The following KCNIP4 variants were observed in gnomAD, a reference collection of about 807,000 sequenced individuals.
The protein encoded by KCNIP4 is Kv channel-interacting protein 4.
Under a neutral mutation model 34.0 loss-of-function variants are expected in KCNIP4, and 12 were observed. The ratio of observed to expected loss-of-function variants is 0.35; its 90% confidence interval spans 0.23 to 0.57. The LOEUF is 0.57. Among genes scored for constraint, KCNIP4 ranks in the 20% least tolerant of loss-of-function variants. The pLI is 0.83. For missense variants in KCNIP4, 238 were observed against 311.7 expected (o/e 0.76, Z 1.78); for synonymous variants, 124 against 102.2 (o/e 1.21, Z -1.29).
intron 1 of KCNIP4, among the ~76,000 whole-genome samples, chr4:20,943,085 C>A (rs188280060): frequency 3.2e-4 from 49 of 151,998 alleles, no homozygotes; most frequent in African/African-American, 1.1e-3. Flanking sequence ...TAAGGAAATC[C>A]CAGAGTACAG....
rs187929083 is a variant in KCNIP4, at chr4:21,827,352, C to T, written c.61+121219G>A. On this transcript the variant is annotated intron_variant, in intron 1 of 8. Transcript: ENST00000382152. Reference sequence around the variant, plus strand: ...AACTGCAACCTAGGAGACTTAACAACAGAGTAAAATCAATGGAGTAAAAAA... The same window carrying T: ...AACTGCAACCTAGGAGACTTAACAATAGAGTAAAATCAATGGAGTAAAAAA... Among the ~76,000 whole-genome samples, 4 of 152,062 alleles carry T rather than the reference C, an allele frequency of 2.6e-5. No individual in the cohort carries two copies. In the East Asian group the frequency reaches 7.7e-4, roughly 29 times the overall value.
intron 1 of KCNIP4, among the ~76,000 whole-genome samples, chr4:21,617,117 A>G (rs1366522461): frequency 6.6e-6 from 1 of 152,200 alleles, no homozygotes. Flanking sequence ...TAATGAGTTT[A>G]TAAGTATTTT....
chr4:21,234,417 CTATATAT>C lies in KCNIP4; in HGVS notation c.62-351715_62-351709del, dbSNP rs1560199382. On this transcript the variant is annotated intron_variant, in intron 1 of 8. Transcript: ENST00000382152. ...TATATAATATATTATATAACATATA[CTATATAT>C]ATTACATATAACGTATATAATATAT... Among the ~76,000 whole-genome samples the C allele has an allele frequency of 3.5e-4, 44 of 125,178 alleles. 13 individuals carry two copies. Among genetic ancestry groups the C allele is most frequent in the Middle Eastern group, 5.6e-3 (1 of 178 alleles). The allele number at this position is 125,178 out of a possible 152,430, so 82.1% of individuals were successfully genotyped here. A position where few individuals can be genotyped will look rare whatever the true frequency, so the allele number is the denominator to read the frequency against.
chr4:20,778,898 T>G (rs766263595), intron 3 of KCNIP4, among the ~76,000 whole-genome samples: 2 of 152,192 alleles, frequency 1.3e-5, no homozygotes, highest in Non-Finnish European at 2.9e-5. Context: ...ATTGCTGATT[T>G]GGAATGAGTA....
At chr4:21,170,047 T>C (rs1753906795) in intron 1 of KCNIP4, among the ~76,000 whole-genome samples, 1 of 152,096 alleles carries the variant, frequency 6.6e-6, no homozygotes, top group Non-Finnish European at 1.5e-5. Context: ...AGCAGAGTTT[T>C]TATAGGAAAA....
At chr4:21,641,361 A>G (rs1345784452) in intron 1 of KCNIP4, among the ~76,000 whole-genome samples, 6 of 152,224 alleles carry the variant, frequency 3.9e-5, no homozygotes, top group Non-Finnish European at 7.3e-5. Context: ...CCACAGCACT[A>G]CAGTCCTTTT....
At chr4:20,909,101 T>G (rs1183569998) in intron 1 of KCNIP4, among the ~76,000 whole-genome samples, 2 of 152,218 alleles carry the variant, frequency 1.3e-5, no homozygotes, top group Non-Finnish European at 2.9e-5. Flanking sequence ...AATATCGACC[T>G]CTGAATATGC....
At chr4:20,969,697 T>A (rs1276189467) in intron 1 of KCNIP4, among the ~76,000 whole-genome samples, 2 of 152,070 alleles carry the variant, frequency 1.3e-5, no homozygotes, top group Non-Finnish European at 2.9e-5. Flanking sequence ...TACATAATTT[T>A]CCAAATACTA....
chr4:21,815,861 A>G (rs1407213799), intron 1 of KCNIP4, among the ~76,000 whole-genome samples: 1 of 152,200 alleles, frequency 6.6e-6, no homozygotes, highest in Non-Finnish European at 1.5e-5. Flanking sequence ...CTAGACTACC[A>G]GCTGGTATGA....
At chr4:21,587,911 ACC>A (rs1741773274) in intron 1 of KCNIP4, among the ~76,000 whole-genome samples, 1 of 152,008 alleles carries the variant, frequency 6.6e-6, no homozygotes, top group African/African-American at 2.4e-5. Context: ...TTATTTGAGC[ACC>A]TCCATGTATA....
At chr4:20,733,048 G>C (rs979093067) in intron 6 of KCNIP4, among the ~76,000 whole-genome samples, 4 of 152,104 alleles carry the variant, frequency 2.6e-5, no homozygotes, top group Non-Finnish European at 5.9e-5. Context: ...ACCATAGTCA[G>C]GAAAAGAATA....
chr4:20,986,445 T>C (rs948779341), intron 1 of KCNIP4, among the ~76,000 whole-genome samples: 15 of 152,194 alleles, frequency 9.9e-5, no homozygotes, highest in Admixed American at 5.2e-4. Context: ...GGTAACCATT[T>C]TCTGAAATTT....
chr4:21,904,075 G>GA, intron 1 of KCNIP4, among the ~76,000 whole-genome samples: 1 of 152,114 alleles, frequency 6.6e-6, no homozygotes, highest in South Asian at 2.1e-4. Context: ...TTTAAGACTG[G>GA]AAACAGAAAG....
At chr4:21,650,284 A>T (rs1390789616) in intron 1 of KCNIP4, among the ~76,000 whole-genome samples, 2 of 152,230 alleles carry the variant, frequency 1.3e-5, no homozygotes, top group Non-Finnish European at 2.9e-5. Flanking sequence ...TCCTTGTTCC[A>T]GTGAACTGTG....
chr4:21,018,002 A>C (rs536898466), intron 1 of KCNIP4, among the ~76,000 whole-genome samples: 1 of 152,342 alleles, frequency 6.6e-6, no homozygotes, highest in South Asian at 2.1e-4. Flanking sequence ...ATAAATAATT[A>C]ACTAGTACAA....
chr4:21,367,748 C>T (rs1228816925), intron 1 of KCNIP4, among the ~76,000 whole-genome samples: 4 of 147,508 alleles, frequency 2.7e-5, no homozygotes, highest in East Asian at 4.0e-4. Context: ...AAAGAAGACA[C>T]ATCACTACAT....
intron 1 of KCNIP4, among the ~76,000 whole-genome samples, chr4:20,989,827 G>C (rs1422330918): frequency 6.6e-6 from 1 of 152,116 alleles, no homozygotes; most frequent in East Asian, 1.9e-4. Context: ...AAGTTAGCTC[G>C]GCATGGTGAC....
chr4:21,862,425 G>T (rs1326981715), intron 1 of KCNIP4, among the ~76,000 whole-genome samples: 1 of 152,130 alleles, frequency 6.6e-6, no homozygotes, highest in Admixed American at 6.6e-5. Context: ...CTCATCAAAA[G>T]AGATAAGAAT....
intron 1 of KCNIP4, among the ~76,000 whole-genome samples, chr4:21,921,614 G>A (rs1728943641): frequency 6.6e-6 from 1 of 152,028 alleles, no homozygotes; most frequent in Non-Finnish European, 1.5e-5. Flanking sequence ...CACCACCCAT[G>A]CAGTAGCTCA....
Sources: gnomAD v4.1 joint callset for allele counts (sites outside exome capture counted in the v4.1 genomes callset) on GRCh38, gnomAD v4.1.1 for gene constraint, MANE v1.5 for transcripts, NCBI Gene and HGNC (gene_info 2026-07-23, HGNC 2026-07-21) for gene names.